The following LRRCC1 variants were observed in gnomAD, a reference collection of about 807,000 sequenced individuals.
LRRCC1 encodes the protein leucine-rich repeat and coiled-coil domain-containing protein 1.
Under a neutral mutation model 126.0 loss-of-function variants are expected in LRRCC1, and 115 were observed. That is an observed-to-expected ratio of 0.91 (90% CI 0.78 to 1.07). The LOEUF is 1.07. Among genes scored for constraint, LRRCC1 ranks in the 50% least tolerant of loss-of-function variants. The probability of loss-of-function intolerance (pLI) is 0.00; values close to 1 mark genes in which losing one functional copy is unlikely to be tolerated. For synonymous variants in LRRCC1, 400 were observed against 393.4 expected, an observed-to-expected ratio of 1.02 and a Z score of -0.20; for missense variants, 1,172 against 1,175.7, an observed-to-expected ratio of 1.00 and a Z score of 0.05.
At chr8:85,111,774 T>A (rs1368836453) in intron 3 of LRRCC1, among the ~76,000 whole-genome samples, 1 of 152,012 alleles carries the variant, frequency 6.6e-6, no homozygotes, top group Non-Finnish European at 1.5e-5. Context: ...CTAGAATAGC[T>A]AAAATAGTGA....
In LRRCC1 at chr8:85,109,940, A is replaced by G. The variant is rs546239292; in HGVS notation, c.310+140A>G. On this transcript the variant is annotated intron_variant, in intron 2 of 18. Transcript: ENST00000360375. ...CATTATACAAAATATTTTCTCCAAA[A>G]AAGTGTCAATTTTTTAAAAATTCTG... The G allele has an allele frequency of 8.0e-6, 5 of 627,162 alleles. No homozygotes were observed. In the African/African-American group the frequency reaches 9.3e-5, roughly 12 times the overall value. 38.8% of individuals were successfully genotyped at this position (627,162 alleles called of 1,614,324 possible).
In LRRCC1 at chr8:85,109,796, A is replaced by G; in HGVS notation, c.306A>G (p.Val102=). 1 of 1,537,834 alleles carries G rather than the reference A, an allele frequency of 6.5e-7. No homozygotes were observed. Among genetic ancestry groups the G allele is most frequent in the Non-Finnish European group, 8.9e-7 (1 of 1,123,420 alleles). The change falls in exon 2 of 19, where the codon GTA becomes GTG. Residue 102 remains valine (V), a synonymous_variant. Coordinates refer to ENST00000360375, the MANE Select transcript of LRRCC1 (RefSeq NM_033402.5). ...TGTCCTGCAATTTGATTACAAAAGT[A>G]GAAGGTTTGTAAGTGATTTTCATTT... ...LNLSCNLITK[V]EGLEELINLT...
chr8:85,145,271 AATAC>A, intron 18 of LRRCC1, 114 bp from the exon 19 acceptor site: 1 of 735,802 alleles, frequency 1.4e-6, no homozygotes, highest in Non-Finnish European at 2.1e-6. Flanking sequence ...CATTTCTTTA[AATAC>A]ATCACAAATT....
At position 85,126,842 on chromosome 8, in the gene LRRCC1, AAAG is replaced by A. The variant is rs1810048165; in HGVS notation, c.1421+8_1421+10del. 6.2e-7 allele frequency: 1 copy of A among 1,601,114 alleles called. No individual in the cohort carries two copies. The highest frequency in any genetic ancestry group is 8.5e-7 in the Non-Finnish European group (1 of 1,175,408). Reference sequence around the variant, plus strand: ...GGCTCTACTTACCACAGATAGGTAAAAAGAAATTAATAAACCTGAAGATACCTC... The same window carrying A: ...GGCTCTACTTACCACAGATAGGTAAAAAATTAATAAACCTGAAGATACCTC... On this transcript the variant is annotated splice_donor_region_variant and intron_variant, in intron 9 of 18. Transcript: ENST00000360375.
chr8:85,130,094 T>TA (rs1563948338), intron 11 of LRRCC1, 36 bp downstream of exon 11: 7 of 1,466,084 alleles, frequency 4.8e-6, no homozygotes, highest in South Asian at 4.2e-5. Context: ...TATTGGCATT[T>TA]AAAAAAAGAA....
At chr8:85,124,732 A>C in intron 7 of LRRCC1, 60 bp from the exon 8 acceptor site, 1 of 1,086,744 alleles carries the variant, frequency 9.2e-7, no homozygotes, top group Non-Finnish European at 1.3e-6. Context: ...ATGTTAATTT[A>C]GAGAAAAGTA....
Position 85,107,952 on chromosome 8 carries a change from C to A in LRRCC1, c.104+553C>A, listed in dbSNP as rs911133045. 4.6e-5 allele frequency among the ~76,000 whole-genome samples: 7 copies of A among 152,344 alleles called. No individual in the cohort carries two copies. In the East Asian group the frequency reaches 1.3e-3, roughly 29 times the overall value. Reference sequence around the variant, plus strand: ...ATACTTTTTGAAAGTACTAAACTTACTATATTTAGTTCATCGTTTCCCTCT... The same window carrying A: ...ATACTTTTTGAAAGTACTAAACTTAATATATTTAGTTCATCGTTTCCCTCT... On this transcript the variant is annotated intron_variant, in intron 1 of 18. Transcript: ENST00000360375.
intron 11 of LRRCC1, 128 bp from the exon 12 acceptor site, chr8:85,131,632 T>A: frequency 1.5e-6 from 1 of 683,858 alleles, no homozygotes; most frequent in South Asian, 2.1e-5. Context: ...TTACTGCGTT[T>A]GAAAGTGAGA....
At chr8:85,129,508 A>G in intron 10 of LRRCC1, 129 bp downstream of exon 10, 1 of 739,696 alleles carries the variant, frequency 1.4e-6, no homozygotes, top group Admixed American at 3.0e-5. Flanking sequence ...AATTGCTGTT[A>G]ATTTAACGGT....
At chr8:85,134,777 C>A in intron 12 of LRRCC1, 70 bp from the exon 13 acceptor site, 1 of 976,268 alleles carries the variant, frequency 1.0e-6, no homozygotes, top group Non-Finnish European at 1.5e-6. Flanking sequence ...AACTGTGATA[C>A]TATTTCCAGA....
At chr8:85,124,764 GTTA>G (rs756861370) in intron 7 of LRRCC1, 25 bp from the exon 8 acceptor site, 4 of 1,431,172 alleles carry the variant, frequency 2.8e-6, no homozygotes, top group Non-Finnish European at 3.8e-6. Context: ...ACTTTTTTGA[GTTA>G]TTTTCTATGT....
intron 18 of LRRCC1, among the ~76,000 whole-genome samples, chr8:85,145,073 C>T (rs947244755): frequency 5.5e-5 from 8 of 145,400 alleles, no homozygotes; most frequent in East Asian, 2.1e-4. Flanking sequence ...GAGCAAGACT[C>T]CATCTCAAAA....
At chr8:85,124,222 T>A (rs1809786380) in intron 7 of LRRCC1, among the ~76,000 whole-genome samples, 1 of 152,192 alleles carries the variant, frequency 6.6e-6, no homozygotes, top group African/African-American at 2.4e-5. Flanking sequence ...CTTTTGCCTC[T>A]GTAATTCTCC....
rs916075287 is a variant in LRRCC1 at position 85,134,975 on chromosome 8, A to G, written c.2097A>G (p.Gln699=). The change falls in exon 13 of 19, where the codon CAA becomes CAG. Residue 699 remains glutamine, a synonymous_variant. Coordinates refer to ENST00000360375, the MANE Select transcript of LRRCC1 (RefSeq NM_033402.5). ...ATCTGACCTGTATGGTAAAGGAACAAAAAACAAAACTGGCAGAAGTTTCTA... is the reference window on the plus strand; with the variant it reads ...ATCTGACCTGTATGGTAAAGGAACAGAAAACAAAACTGGCAGAAGTTTCTA... The part of the protein sequence containing the change: ...IKDLTCMVKE[Q]KTKLAEVSKL... The G allele has an allele frequency of 4.5e-6, 7 of 1,560,072 alleles. No homozygotes were observed. In the African/African-American group the frequency reaches 9.8e-5, roughly 22 times the overall value.
chr8:85,141,098 C>G (rs1811217847), intron 17 of LRRCC1, among the ~76,000 whole-genome samples: 1 of 151,910 alleles, frequency 6.6e-6, no homozygotes. Flanking sequence ...CTCCTAGACT[C>G]AAAATAAATG....
At chr8:85,131,188 TGTTTCCTTTACAGGAATTTTGTACTTA>T (rs1810436369) in intron 11 of LRRCC1, among the ~76,000 whole-genome samples, 1 of 152,224 alleles carries the variant, frequency 6.6e-6, no homozygotes, top group African/African-American at 2.4e-5. Context: ...TTTTGTACTT[TGTTTCCTTTACAGGAATTTTGTACTTA>T]GTTTCCTTTA....
intron 18 of LRRCC1, among the ~76,000 whole-genome samples, chr8:85,143,225 G>A (rs539561422): frequency 6.6e-5 from 10 of 152,084 alleles, no homozygotes; most frequent in Non-Finnish European, 1.0e-4. Flanking sequence ...GGAGGCTAAG[G>A]CAGGAGAATT....
intron 12 of LRRCC1, among the ~76,000 whole-genome samples, chr8:85,133,144 G>A (rs537990855): frequency 6.6e-6 from 1 of 152,130 alleles, no homozygotes; most frequent in African/African-American, 2.4e-5. Context: ...TACTAGCATT[G>A]CGCTATCAAA....
intron 6 of LRRCC1, among the ~76,000 whole-genome samples, chr8:85,120,046 T>C (rs1274901350): frequency 6.6e-6 from 1 of 152,230 alleles, no homozygotes; most frequent in Non-Finnish European, 1.5e-5. Context: ...TGTAGATATG[T>C]TATTGGTCCT....
Sources: allele counts gnomAD v4.1 joint callset (sites outside exome capture counted in the v4.1 genomes callset), GRCh38; gene constraint gnomAD v4.1.1; transcripts MANE v1.5; gene names NCBI Gene and HGNC (gene_info 2026-07-23, HGNC 2026-07-21).